The following CAMTA1 variants were observed in gnomAD, a reference collection of about 807,000 sequenced individuals.
CAMTA1 encodes calmodulin binding transcription activator 1, also known as calmodulin-binding transcription activator 1.
CAMTA1 carries 27 observed loss-of-function variants against 170.9 expected under a neutral mutation model. That is an observed-to-expected ratio of 0.16 (90% CI 0.12 to 0.22). The LOEUF (loss-of-function observed/expected upper bound fraction) is 0.22, where lower values mean the gene tolerates loss of function less well. Ranked by LOEUF, CAMTA1 falls within the 10% of genes least tolerant of loss-of-function variation. The probability of loss-of-function intolerance (pLI) is 1.00; values close to 1 mark genes in which losing one functional copy is unlikely to be tolerated. For missense variants in CAMTA1, 1,619 were observed against 2,217.2 expected, an observed-to-expected ratio of 0.73 and a Z score of 5.42; for synonymous variants, 833 against 891.5, an observed-to-expected ratio of 0.93 and a Z score of 1.17.
At chr1:6,879,550 T>C (rs930362048) in intron 3 of CAMTA1, among the ~76,000 whole-genome samples, 5 of 152,206 alleles carry the variant, frequency 3.3e-5, no homozygotes, top group African/African-American at 1.2e-4. Context: ...GTTCAAGACC[T>C]GAACATGTAA....
intron 5 of CAMTA1, among the ~76,000 whole-genome samples, chr1:7,402,225 C>T (rs2089955206): frequency 6.6e-6 from 1 of 152,162 alleles, no homozygotes; most frequent in Admixed American, 6.5e-5. Flanking sequence ...GACAGCTGCT[C>T]ACACTCTGTA....
rs114183560 is a variant in CAMTA1, at chr1:7,618,921, G to T, written c.511-21479G>T. Among the ~76,000 whole-genome samples, 752 of 151,638 alleles carry T rather than the reference G, an allele frequency of 5.0e-3. 5 individuals are homozygous for T. Among genetic ancestry groups the T allele is most frequent in the African/African-American group, 0.017 (711 of 41,288 alleles). ...TTTAATCCAGAAATGCTTTATTCTT[G>T]TCTCTTATCCTGATCCCAAATTAGA... On this transcript the variant is annotated intron_variant, in intron 6 of 22. Transcript: ENST00000303635.
chr1:7,457,550 T>C (rs1057015146), intron 5 of CAMTA1, among the ~76,000 whole-genome samples: 1 of 152,148 alleles, frequency 6.6e-6, no homozygotes, highest in Non-Finnish European at 1.5e-5. Context: ...CGGGCCAGGC[T>C]GCACACCTCC....
chr1:6,864,894 T>A (rs988500534), intron 3 of CAMTA1, among the ~76,000 whole-genome samples: 6 of 152,294 alleles, frequency 3.9e-5, no homozygotes, highest in Admixed American at 2.6e-4. Flanking sequence ...TCACTGTGTG[T>A]CCCTGTTACC....
At chr1:7,403,330 C>G (rs2090047731) in intron 5 of CAMTA1, among the ~76,000 whole-genome samples, 1 of 151,998 alleles carries the variant, frequency 6.6e-6, no homozygotes, top group Non-Finnish European at 1.5e-5. Context: ...GCCTGGGCAA[C>G]AAGAATGAAA....
At chr1:6,804,918 C>T (rs913272579) in intron 1 of CAMTA1, among the ~76,000 whole-genome samples, 2 of 152,106 alleles carry the variant, frequency 1.3e-5, no homozygotes, top group African/African-American at 4.8e-5. Flanking sequence ...TTTTGTTTAT[C>T]CATTCACCAG....
At chr1:7,220,367 C>T (rs898360449) in intron 4 of CAMTA1, among the ~76,000 whole-genome samples, 8 of 152,184 alleles carry the variant, frequency 5.3e-5, no homozygotes, top group Non-Finnish European at 1.0e-4. Context: ...TGGAAAGAGG[C>T]CAGGCACGCT....
chr1:7,752,325 A>G, intron 20 of CAMTA1, 134 bp from the exon 21 acceptor site: 2 of 740,172 alleles, frequency 2.7e-6, no homozygotes, highest in Non-Finnish European at 4.8e-6. Flanking sequence ...TTCAGATTGT[A>G]TACATCTTTA....
chr1:7,503,829 G>A (rs905756608), intron 6 of CAMTA1, among the ~76,000 whole-genome samples: 6 of 152,212 alleles, frequency 3.9e-5, no homozygotes, highest in Non-Finnish European at 7.3e-5. Context: ...ACCTGCTGAC[G>A]GAGTTCCCTG....
intron 4 of CAMTA1, among the ~76,000 whole-genome samples, chr1:7,192,735 T>C (rs1022027554): frequency 2.0e-5 from 3 of 152,122 alleles, no homozygotes; most frequent in African/African-American, 7.2e-5. Context: ...ATTTAACAGA[T>C]GAAGGAGCGA....
intron 1 of CAMTA1, among the ~76,000 whole-genome samples, chr1:6,813,964 A>G (rs1261212362): frequency 1.3e-5 from 2 of 152,182 alleles, no homozygotes; most frequent in Non-Finnish European, 2.9e-5. Flanking sequence ...TCCTTTCCAT[A>G]AACTTAGGGG....
At chr1:7,098,099 TTGTGTG>T (rs61519330) in intron 4 of CAMTA1, among the ~76,000 whole-genome samples, 2 of 150,760 alleles carry the variant, frequency 1.3e-5, no homozygotes, top group East Asian at 2.0e-4. Flanking sequence ...GGTGGACGAA[TTGTGTG>T]TGTGTGTGTG....
At chr1:7,106,480 A>T (rs760099884) in intron 4 of CAMTA1, among the ~76,000 whole-genome samples, 5 of 152,154 alleles carry the variant, frequency 3.3e-5, no homozygotes, top group Non-Finnish European at 7.3e-5. Context: ...CCCAGAAATT[A>T]TGTGACTTAC....
intron 8 of CAMTA1, among the ~76,000 whole-genome samples, 182 bp from the exon 9 acceptor site, chr1:7,663,171 G>T (rs1032616862): frequency 6.6e-6 from 1 of 152,192 alleles, no homozygotes; most frequent in South Asian, 2.1e-4. Flanking sequence ...CTTGGGGTAC[G>T]TGTCCAAGGG....
At chr1:7,368,670 G>A (rs764133935) in intron 5 of CAMTA1, among the ~76,000 whole-genome samples, 56 of 152,134 alleles carry the variant, frequency 3.7e-4, no homozygotes, top group Non-Finnish European at 6.3e-4. Context: ...TTCTTTTCTC[G>A]TCTGCCCTCC....
At chr1:7,494,934 C>G (rs2093802170) in intron 6 of CAMTA1, among the ~76,000 whole-genome samples, 1 of 152,138 alleles carries the variant, frequency 6.6e-6, no homozygotes, top group African/African-American at 2.4e-5. Flanking sequence ...CTGACCCTTC[C>G]CTCCTGTTCT....
At chr1:7,762,221 T>A (rs1353822744) in intron 22 of CAMTA1, among the ~76,000 whole-genome samples, 2 of 152,224 alleles carry the variant, frequency 1.3e-5, no homozygotes, top group East Asian at 3.8e-4. Flanking sequence ...TGTAGTGAAT[T>A]CTGGAAATAC....
At chr1:6,944,546 C>G (rs1339406698) in intron 3 of CAMTA1, among the ~76,000 whole-genome samples, 1 of 152,160 alleles carries the variant, frequency 6.6e-6, no homozygotes, top group African/African-American at 2.4e-5. Flanking sequence ...GCTCTCCTGT[C>G]CCCTCTGCCT....
intron 3 of CAMTA1, among the ~76,000 whole-genome samples, chr1:7,071,227 C>T (rs866808903): frequency 6.6e-6 from 1 of 152,136 alleles, no homozygotes; most frequent in Non-Finnish European, 1.5e-5. Flanking sequence ...GGCCATGTCC[C>T]CTCTATTTGT....
Sources: gnomAD v4.1 joint callset for allele counts (sites outside exome capture counted in the v4.1 genomes callset) on GRCh38, gnomAD v4.1.1 for gene constraint, MANE v1.5 for transcripts, NCBI Gene and HGNC (gene_info 2026-07-23, HGNC 2026-07-21) for gene names.